The following INPP1 variants were observed in gnomAD, a reference collection of about 807,000 sequenced individuals.
The protein encoded by INPP1 is inositol polyphosphate-1-phosphatase.
Under a neutral mutation model 23.0 loss-of-function variants are expected in INPP1, and 18 were observed. The observed-to-expected ratio is 0.78, with a 90% confidence interval of 0.54 to 1.16. The LOEUF (loss-of-function observed/expected upper bound fraction) is 1.16, where lower values mean the gene tolerates loss of function less well. Among genes scored for constraint, INPP1 ranks in the 50% most tolerant of loss-of-function variants. The probability of loss-of-function intolerance (pLI) is 0.00; values close to 1 mark genes in which losing one functional copy is unlikely to be tolerated. For synonymous variants in INPP1, 164 were observed against 176.3 expected (o/e 0.93, Z 0.55); for missense variants, 448 against 482.1 (o/e 0.93, Z 0.66).
intron 4 of INPP1, among the ~76,000 whole-genome samples, chr2:190,366,018 T>G (rs1689648065): frequency 7.1e-6 from 1 of 140,506 alleles, no homozygotes; most frequent in African/African-American, 2.8e-5. Context: ...TCTGTCTCGC[T>G]CTCTCTCGCT....
intron 3 of INPP1, among the ~76,000 whole-genome samples, chr2:190,361,175 G>T (rs1297546615): frequency 6.6e-6 from 1 of 152,188 alleles, no homozygotes; most frequent in Non-Finnish European, 1.5e-5. Context: ...CTTGCCTAAG[G>T]TTGCACATCA....
chr2:190,362,861 A>G, intron 4 of INPP1, 174 bp downstream of exon 4: 1 of 432,794 alleles, frequency 2.3e-6, no homozygotes, highest in Non-Finnish European at 4.2e-6. Context: ...ATTTAACTTA[A>G]GTAGAGAGAT....
chr2:190,364,311 G>A (rs772945835), intron 4 of INPP1, among the ~76,000 whole-genome samples: 1 of 151,914 alleles, frequency 6.6e-6, no homozygotes, highest in Non-Finnish European at 1.5e-5. Context: ...AGGCCAGGGC[G>A]GGTGGATCAC....
chr2:190,352,683 A>G lies in INPP1; in HGVS notation c.-65+3652A>G, dbSNP rs1239330931. 6.6e-6 allele frequency among the ~76,000 whole-genome samples: 1 copy of G among 152,202 alleles called. No individual in the cohort carries two copies. The highest frequency in any genetic ancestry group is 2.4e-5 in the African/African-American group (1 of 41,456). ...CCAAGGCAGCCCTTGAGTATGGAGCAAAGGAGAGGTGGGACGAAGTCTATG... is the reference window on the plus strand; with the variant it reads ...CCAAGGCAGCCCTTGAGTATGGAGCGAAGGAGAGGTGGGACGAAGTCTATG... On this transcript the variant is annotated intron_variant, in intron 2 of 6. Coordinates refer to ENST00000392329, the MANE Select transcript of INPP1 (RefSeq NM_001128928.2). This position sits in a 1 kb window ranked among gnomAD's most constrained non-coding sequence, Gnocchi z 4.7.
intron 4 of INPP1, among the ~76,000 whole-genome samples, chr2:190,364,181 AATAGATGT>A (rs761663087): frequency 6.6e-6 from 1 of 152,220 alleles, no homozygotes; most frequent in Non-Finnish European, 1.5e-5. Context: ...TCATCACTGT[AATAGATGT>A]ATATTGTGCT....
intron 2 of INPP1, among the ~76,000 whole-genome samples, chr2:190,357,938 T>C (rs1689449415): frequency 6.6e-6 from 1 of 152,242 alleles, no homozygotes; most frequent in African/African-American, 2.4e-5. Flanking sequence ...GTGGTTGACC[T>C]ATAATCTTAA....
chr2:190,360,107 C>G lies in INPP1; in HGVS notation c.5C>G (p.Ser2Ter). ...ACTGAAAAGCAAGGTTCAGAAATGT[C>G]AGATATCCTCCGGGAGCTGCTCTGT... M[S>*]DILRELLCVS... The change falls in exon 3 of 7, where the codon TCA becomes TGA. Residue 2 changes from serine (S) to a stop codon, truncating the protein, a stop_gained. Transcript: ENST00000392329. LOFTEE classifies it high-confidence loss of function. 6.2e-7 allele frequency: 1 copy of G among 1,612,788 alleles called. No homozygotes were observed. Among genetic ancestry groups the G allele is most frequent in the Non-Finnish European group, 8.5e-7 (1 of 1,179,974 alleles).
Position 190,351,541 on chromosome 2 carries a change from C to T in INPP1, c.-65+2510C>T, listed in dbSNP as rs555214684. 2.0e-5 allele frequency among the ~76,000 whole-genome samples: 3 copies of T among 152,290 alleles called. No homozygotes were observed. The South Asian group carries it at 6.2e-4, about 32-fold the overall frequency. On this transcript the variant is annotated intron_variant, in intron 2 of 6. Transcript: ENST00000392329. ...TAGGTTGGTTTTGCCTGTTTTTGAA[C>T]TTTAAATTGATTAAATGGCACAGCA... is the stretch of plus-strand genomic sequence containing the variant.
rs1387535016 is a variant in INPP1, at chr2:190,356,218, A to G, written c.-64-3821A>G. ...CTGGGCTCATTAGCATGGCTGGTGA[A>G]AGTGGTTTCAATCTGAAACTGGGCA... On this transcript the variant is annotated intron_variant, in intron 2 of 6. Coordinates refer to ENST00000392329, the MANE Select transcript of INPP1 (RefSeq NM_001128928.2). The surrounding 1 kb of genome is among the most constrained non-coding windows in gnomAD (Gnocchi z 6.4). Among the ~76,000 whole-genome samples the G allele has an allele frequency of 6.6e-6, 1 of 152,214 alleles. No homozygotes were observed. Among genetic ancestry groups the G allele is most frequent in the African/African-American group, 2.4e-5 (1 of 41,452 alleles).
In INPP1 at chr2:190,355,246, A is replaced by C. The variant is rs1344142613; in HGVS notation, c.-64-4793A>C. ...AGGTTATATAAGAATTAAATGAGTT[A>C]ATACATGTAAGGTGCCTAGAAGGAT... On this transcript the variant is annotated intron_variant, in intron 2 of 6. Transcript: ENST00000392329. This position sits in a 1 kb window ranked among gnomAD's most constrained non-coding sequence, Gnocchi z 5.1. Among the ~76,000 whole-genome samples the C allele has an allele frequency of 2.0e-5, 3 of 152,216 alleles. No individual in the cohort carries two copies. Among genetic ancestry groups the C allele is most frequent in the African/African-American group, 7.2e-5 (3 of 41,460 alleles).
At chr2:190,344,091 C>A in intron 1 of INPP1, 130 bp downstream of exon 1, 1 of 267,832 alleles carries the variant, frequency 3.7e-6, no homozygotes, top group Non-Finnish European at 7.8e-6. Flanking sequence ...GAGTCGATGG[C>A]GCCGGGAGGG....
rs1394011487 is a variant in INPP1 at position 190,368,513 on chromosome 2, T to C, written c.467-590T>C. 2 of 152,202 alleles carry C rather than the reference T, an allele frequency of 1.3e-5. No homozygotes were observed. Among genetic ancestry groups the C allele is most frequent in the East Asian group, 3.8e-4 (2 of 5,202 alleles). The allele number at this position is 152,202 out of a possible 1,614,324, so 9.4% of individuals were successfully genotyped here. A position where few individuals can be genotyped will look rare whatever the true frequency, so the allele number is the denominator to read the frequency against. On this transcript the variant is annotated intron_variant, in intron 5 of 6. Transcript: ENST00000392329. The surrounding 1 kb of genome is among the most constrained non-coding windows in gnomAD (Gnocchi z 4.3). Reference sequence around the variant, plus strand: ...TTTGTGGGTACATAATAGGTGTATATATTTATGGGGTAGATGAGATGTTTT... The same window carrying C: ...TTTGTGGGTACATAATAGGTGTATACATTTATGGGGTAGATGAGATGTTTT...
rs767192789 is a variant in INPP1, at chr2:190,369,113, T to A, written c.477T>A (p.Tyr159Ter). ...TGTTTCCTTTTTCAGATTCAACTTA[T>A]CAGTATATAAAAGGTTCTGCTGACA... ...GIWVDPIDST[Y>*]QYIKGSADIK... Residue 159 changes from tyrosine to a stop codon, truncating the protein, a stop_gained, in exon 6 of 7, where the codon TAT becomes TAA. Transcript: ENST00000392329. LOFTEE classifies it high-confidence loss of function. 2.5e-6 allele frequency: 4 copies of A among 1,569,868 alleles called. No homozygotes were observed. Among genetic ancestry groups the A allele is most frequent in the Non-Finnish European group, 2.6e-6 (3 of 1,151,818 alleles).
chr2:190,358,619 T>C (rs1689473129), intron 2 of INPP1, among the ~76,000 whole-genome samples: 1 of 152,266 alleles, frequency 6.6e-6, no homozygotes, highest in Non-Finnish European at 1.5e-5. Flanking sequence ...TAGCCTTCTG[T>C]AACCCTGAAG....
Position 190,345,720 on chromosome 2 carries a change from G to C in INPP1, c.-209+1759G>C, listed in dbSNP as rs1264569619. On this transcript the variant is annotated intron_variant, in intron 1 of 6. Transcript: ENST00000392329. This position sits in a 1 kb window ranked among gnomAD's most constrained non-coding sequence, Gnocchi z 4.9. Reference sequence around the variant, plus strand: ...CTTAGAAATAAAGGCTCTGGCTGGCGTGGTGGCTCACGCCTGTTATCCCTG... The same window carrying C: ...CTTAGAAATAAAGGCTCTGGCTGGCCTGGTGGCTCACGCCTGTTATCCCTG... 1 of 152,226 alleles carries C rather than the reference G, an allele frequency of 6.6e-6. No individual in the cohort carries two copies. Among genetic ancestry groups the C allele is most frequent in the Non-Finnish European group, 1.5e-5 (1 of 68,054 alleles). 9.4% of individuals were successfully genotyped at this position (152,226 alleles called of 1,614,324 possible). A position where few individuals can be genotyped will look rare whatever the true frequency, so the allele number is the denominator to read the frequency against.
intron 2 of INPP1, among the ~76,000 whole-genome samples, chr2:190,350,932 C>T (rs16832601): frequency 0.092 from 14,040 of 152,200 alleles, 1,588 homozygotes; most frequent in African/African-American, 0.26. Context: ...TCAGATACAG[C>T]CTTGGTTTGT....
intron 4 of INPP1, among the ~76,000 whole-genome samples, chr2:190,366,210 TC>T (rs1689660884): frequency 1.3e-5 from 2 of 151,020 alleles, no homozygotes; most frequent in Admixed American, 6.6e-5. Flanking sequence ...TCTCGCTCTC[TC>T]GCTCTGTCTC....
At chr2:190,362,319 G>T (rs1689550588) in intron 3 of INPP1, among the ~76,000 whole-genome samples, 1 of 152,146 alleles carries the variant, frequency 6.6e-6, no homozygotes, top group South Asian at 2.1e-4. Flanking sequence ...CGAATTCTAT[G>T]GCCCTTAAGT....
chr2:190,366,558 GCT>G (rs1412831573), intron 4 of INPP1, 135 bp from the exon 5 acceptor site: 7 of 653,112 alleles, frequency 1.1e-5, no homozygotes, highest in Non-Finnish European at 1.9e-5. Context: ...GCTCTGTCTC[GCT>G]CTCTGTGTCT....
Sources: allele counts gnomAD v4.1 joint callset (sites outside exome capture counted in the v4.1 genomes callset), GRCh38; gene constraint gnomAD v4.1.1; non-coding constraint Gnocchi (gnomAD v3.1); transcripts MANE v1.5; gene names NCBI Gene and HGNC (gene_info 2026-07-23, HGNC 2026-07-21).